ACSL3: variants seen among roughly 807,000 people sequenced by gnomAD.
ACSL3 encodes the protein fatty acid CoA ligase Acsl3.
Under a neutral mutation model 84.7 loss-of-function variants are expected in ACSL3, and 34 were observed. The observed-to-expected ratio is 0.40, with a 90% CI of 0.31 to 0.53. The LOEUF is 0.53. Among genes scored for constraint, ACSL3 ranks in the 20% least tolerant of loss-of-function variants. ACSL3 has a pLI of 0.48. For missense variants in ACSL3, 680 were observed against 873.1 expected, an observed-to-expected ratio of 0.78 and a Z score of 2.79; for synonymous variants, 315 against 299.4, an observed-to-expected ratio of 1.05 and a Z score of -0.54.
intron 12 of ACSL3, among the ~76,000 whole-genome samples, chr2:222,928,225 G>T (rs758114551): frequency 6.6e-6 from 1 of 152,114 alleles, no homozygotes; most frequent in Non-Finnish European, 1.5e-5. Context: ...CTTCAGCCTG[G>T]CTCTTGAGCT....
chr2:222,885,081 C>T (rs755401630), intron 1 of ACSL3, among the ~76,000 whole-genome samples: 4 of 152,142 alleles, frequency 2.6e-5, no homozygotes, highest in East Asian at 3.9e-4. Context: ...TGCAAAGTGT[C>T]GGGTCTGGAG....
At chr2:222,901,654 C>T (rs1429036181) in intron 3 of ACSL3, among the ~76,000 whole-genome samples, 1 of 151,966 alleles carries the variant, frequency 6.6e-6, no homozygotes, top group African/African-American at 2.4e-5. Flanking sequence ...TTATTTAGGT[C>T]CAAAAGAAAA....
At chr2:222,906,839 T>G (rs1323661525) in intron 3 of ACSL3, among the ~76,000 whole-genome samples, 2 of 152,196 alleles carry the variant, frequency 1.3e-5, no homozygotes, top group Non-Finnish European at 2.9e-5. Flanking sequence ...GGTCTCGATC[T>G]CCTGATTTTG....
chr2:222,917,915 A>T, intron 5 of ACSL3, 131 bp from the exon 6 acceptor site: 1 of 518,758 alleles, frequency 1.9e-6, no homozygotes, highest in Non-Finnish European at 3.3e-6. Flanking sequence ...TAAAAAACAT[A>T]ACACTTATAG....
rs1412401329 is a variant in ACSL3, at chr2:222,892,291, C to T, written c.-148+4403C>T. Among the ~76,000 whole-genome samples the T allele has an allele frequency of 3.3e-5, 5 of 152,236 alleles. No individual in the cohort carries two copies. The East Asian group carries it at 9.6e-4, about 29-fold the overall frequency. On this transcript the variant is annotated intron_variant, in intron 2 of 16. Transcript: ENST00000357430. ...CTGCTTTTTTTCGGGAGGGAGGCAGCAGGATATATAGTAAGTAAATGTTTT... is the reference window on the plus strand; with the variant it reads ...CTGCTTTTTTTCGGGAGGGAGGCAGTAGGATATATAGTAAGTAAATGTTTT...
chr2:222,885,388 TC>T (rs1382524254), intron 1 of ACSL3, among the ~76,000 whole-genome samples: 1 of 152,176 alleles, frequency 6.6e-6, no homozygotes, highest in Non-Finnish European at 1.5e-5. Flanking sequence ...TGAATTTTTT[TC>T]ATTAAAAAAA....
At chr2:222,888,772 G>A (rs564366420) in intron 2 of ACSL3, among the ~76,000 whole-genome samples, 5 of 152,116 alleles carry the variant, frequency 3.3e-5, no homozygotes, top group Non-Finnish European at 7.4e-5. Context: ...CTTTCCAGAC[G>A]CTTTGTTTGC....
chr2:222,915,464 C>A (rs1401188470), intron 4 of ACSL3, among the ~76,000 whole-genome samples: 1 of 152,070 alleles, frequency 6.6e-6, no homozygotes, highest in Admixed American at 6.5e-5. Context: ...ATGTATATTA[C>A]TGACACAGCC....
At chr2:222,903,113 T>C (rs1043647406) in intron 3 of ACSL3, among the ~76,000 whole-genome samples, 1 of 152,084 alleles carries the variant, frequency 6.6e-6, no homozygotes, top group Non-Finnish European at 1.5e-5. Flanking sequence ...AGTCATGTCA[T>C]GAAATAGACG....
At chr2:222,919,584 T>G (rs906723570) in intron 7 of ACSL3, among the ~76,000 whole-genome samples, 1 of 152,190 alleles carries the variant, frequency 6.6e-6, no homozygotes, top group African/African-American at 2.4e-5. Flanking sequence ...CTCCTTTTAC[T>G]CCCTGTTCCA....
intron 1 of ACSL3, among the ~76,000 whole-genome samples, chr2:222,882,038 C>T (rs891502408): frequency 2.0e-5 from 3 of 152,126 alleles, no homozygotes; most frequent in East Asian, 3.9e-4. Flanking sequence ...AGAGATTGTC[C>T]TATGTGGTAT....
chr2:222,922,158 A>G (rs756490256), intron 8 of ACSL3, among the ~76,000 whole-genome samples: 2 of 152,206 alleles, frequency 1.3e-5, no homozygotes, highest in African/African-American at 2.4e-5. Context: ...CAGCTCTTGA[A>G]GTATATACAA....
chr2:222,873,054 A>G (rs552207208), intron 1 of ACSL3, among the ~76,000 whole-genome samples: 1 of 152,348 alleles, frequency 6.6e-6, no homozygotes, highest in East Asian at 1.9e-4. Context: ...TGTGCCAACT[A>G]GTTAGCAATA....
intron 2 of ACSL3, among the ~76,000 whole-genome samples, chr2:222,898,602 A>G (rs1469372802): frequency 1.3e-5 from 2 of 152,240 alleles, no homozygotes; most frequent in Non-Finnish European, 2.9e-5. Context: ...AGGCGGGCGG[A>G]TCACGAGGTA....
chr2:222,866,514 A>T (rs1695145771), intron 1 of ACSL3, among the ~76,000 whole-genome samples: 1 of 152,184 alleles, frequency 6.6e-6, no homozygotes, highest in South Asian at 2.1e-4. Flanking sequence ...AATTTAAGTG[A>T]CTTGCACGAT....
rs144922729 is a variant in ACSL3, at chr2:222,925,182, C to G, written c.1292+587C>G. On this transcript the variant is annotated intron_variant, in intron 11 of 16. Transcript: ENST00000357430. ...CAAAACCACATCTCTACTAAAATTA[C>G]AAAAATTAGCCAGAGTGGTGGCATG... 1.9e-3 allele frequency among the ~76,000 whole-genome samples: 284 copies of G among 151,630 alleles called. 2 individuals carry two copies. Among genetic ancestry groups the G allele is most frequent in the African/African-American group, 6.5e-3 (268 of 41,332 alleles).
At position 222,875,300 on chromosome 2, in the gene ACSL3, TGGGGACGGAA is replaced by T. The variant is rs1490896668; in HGVS notation, c.-206-12527_-206-12518del. On this transcript the variant is annotated intron_variant, in intron 1 of 16. Coordinates refer to ENST00000357430, the MANE Select transcript of ACSL3 (RefSeq NM_004457.5). ...TTATCACTGATAAAATCAAGAAGAT[TGGGGACGGAA>T]GGAATGGGATTTTTGTTTTTGAATA... 1.8e-4 allele frequency among the ~76,000 whole-genome samples: 27 copies of T among 152,144 alleles called. No homozygotes were observed. The East Asian group carries it at 4.8e-3, about 27-fold the overall frequency.
chr2:222,941,919 T>C lies in ACSL3; in HGVS notation c.*265T>C. ...GTATGAGAATTTTTCTGAATCATATTGGGGAAGCAGTGATTTTAAAACCTC... is the reference window on the plus strand; with the variant it reads ...GTATGAGAATTTTTCTGAATCATATCGGGGAAGCAGTGATTTTAAAACCTC... On this transcript the variant is annotated 3_prime_UTR_variant, in exon 17 of 17. Coordinates refer to ENST00000357430, the MANE Select transcript of ACSL3 (RefSeq NM_004457.5). The C allele has an allele frequency of 3.1e-6, 1 of 321,562 alleles. No individual in the cohort carries two copies. The allele number at this position is 321,562 out of a possible 1,614,324, so 19.9% of individuals were successfully genotyped here. A position where few individuals can be genotyped will look rare whatever the true frequency, so the allele number is the denominator to read the frequency against.
intron 3 of ACSL3, among the ~76,000 whole-genome samples, chr2:222,903,820 T>C (rs990599833): frequency 2.6e-5 from 4 of 152,218 alleles, no homozygotes; most frequent in African/African-American, 9.7e-5. Context: ...AGGGCTGCCC[T>C]CTACTGGACT....
Sources: gnomAD v4.1 joint callset for allele counts (sites outside exome capture counted in the v4.1 genomes callset) on GRCh38, gnomAD v4.1.1 for gene constraint, MANE v1.5 for transcripts, NCBI Gene and HGNC (gene_info 2026-07-23, HGNC 2026-07-21) for gene names.